The following BTBD9 variants were observed in gnomAD, a reference collection of about 807,000 sequenced individuals.
The protein encoded by BTBD9 is BTB domain containing 9, also known as BTB/POZ domain-containing protein 9.
BTBD9 carries 49 observed loss-of-function variants against 64.3 expected under a neutral mutation model. The ratio of observed to expected loss-of-function variants is 0.76; its 90% CI spans 0.61 to 0.97. The LOEUF (loss-of-function observed/expected upper bound fraction) is 0.97, where lower values mean the gene tolerates loss of function less well. BTBD9 is among the 50% of genes least tolerant of loss of function. The pLI is 0.00. For missense variants in BTBD9, 598 were observed against 762.1 expected (o/e 0.78, Z 2.53); for synonymous variants, 260 against 274.7 (o/e 0.95, Z 0.53).
intron 7 of BTBD9, among the ~76,000 whole-genome samples, chr6:38,318,174 C>G (rs1044406188): frequency 6.6e-6 from 1 of 152,158 alleles, no homozygotes; most frequent in Non-Finnish European, 1.5e-5. Flanking sequence ...GGATTACAGG[C>G]GTGAGCCACT....
intron 1 of BTBD9, among the ~76,000 whole-genome samples, chr6:38,623,272 G>C (rs970913516): frequency 6.6e-6 from 1 of 152,096 alleles, no homozygotes; most frequent in Admixed American, 6.6e-5. Flanking sequence ...CAGGAAATTA[G>C]ACTCTATCAG....
intron 6 of BTBD9, among the ~76,000 whole-genome samples, chr6:38,514,103 C>T (rs1772903568): frequency 6.6e-6 from 1 of 152,226 alleles, no homozygotes; most frequent in African/African-American, 2.4e-5. Flanking sequence ...TCTGACTATT[C>T]AACCAGTCTT....
intron 6 of BTBD9, among the ~76,000 whole-genome samples, chr6:38,439,110 C>CTTTTTTTTTTTTTT (rs35699356): frequency 6.2e-5 from 4 of 64,066 alleles, no homozygotes; most frequent in African/African-American, 2.7e-4. Context: ...TAGCAACTGA[C>CTTTTTTTTTTTTTT]TTTTTTTTTT....
chr6:38,315,477 T>G (rs1422340416), intron 7 of BTBD9, among the ~76,000 whole-genome samples: 1 of 152,142 alleles, frequency 6.6e-6, no homozygotes, highest in Non-Finnish European at 1.5e-5. Context: ...TTGGTTTTTT[T>G]TTTAAATCCC....
chr6:38,175,801 C>T (rs1038295731), intron 10 of BTBD9, among the ~76,000 whole-genome samples: 5 of 152,230 alleles, frequency 3.3e-5, no homozygotes, highest in Non-Finnish European at 5.9e-5. Flanking sequence ...GTTCCTGATG[C>T]ATAGTTCTCC....
intron 1 of BTBD9, among the ~76,000 whole-genome samples, chr6:38,629,404 C>A (rs1448039113): frequency 6.6e-6 from 1 of 152,186 alleles, no homozygotes; most frequent in East Asian, 1.9e-4. Flanking sequence ...AATAATAGAA[C>A]AAATCAACAT....
intron 1 of BTBD9, among the ~76,000 whole-genome samples, chr6:38,626,225 GA>G (rs1778162970): frequency 6.6e-6 from 1 of 152,266 alleles, no homozygotes; most frequent in Admixed American, 6.5e-5. Flanking sequence ...GAGATGTTTT[GA>G]TACCAGCGTG....
rs1171884424 is a variant in BTBD9 at position 38,169,785 on chromosome 6, TATAA to T, written c.*5196_*5199del. The T allele has an allele frequency of 1.5e-5, 2 of 129,332 alleles. No individual in the cohort carries two copies. The highest frequency in any genetic ancestry group is 2.9e-5 in the African/African-American group (1 of 34,812). 8.0% of individuals were successfully genotyped at this position (129,332 alleles called of 1,614,324 possible). On this transcript the variant is annotated 3_prime_UTR_variant, in exon 11 of 11. Coordinates refer to ENST00000481247, the MANE Select transcript of BTBD9 (RefSeq NM_001099272.2). ...CCCCTCCCCCCCGCCCATTCAGGGCTATAAATACTCACGGACGCAAATGGTAAAT... is the reference window on the plus strand; with the variant it reads ...CCCCTCCCCCCCGCCCATTCAGGGCTATACTCACGGACGCAAATGGTAAAT...
intron 6 of BTBD9, among the ~76,000 whole-genome samples, chr6:38,470,241 C>T (rs927915274): frequency 2.0e-5 from 3 of 152,140 alleles, no homozygotes; most frequent in Admixed American, 6.5e-5. Context: ...AAAATAACCA[C>T]GGGAGGACAG....
chr6:38,514,901 A>G (rs1002356862), intron 6 of BTBD9, among the ~76,000 whole-genome samples: 3 of 152,192 alleles, frequency 2.0e-5, no homozygotes, highest in Non-Finnish European at 4.4e-5. Flanking sequence ...ACCTCTGGTT[A>G]CCCTTCAACA....
At chr6:38,362,583 G>T (rs562118716) in intron 6 of BTBD9, among the ~76,000 whole-genome samples, 64 of 152,254 alleles carry the variant, frequency 4.2e-4, no homozygotes, top group African/African-American at 1.5e-3. Flanking sequence ...TTTTCCCAGT[G>T]GTATAGAGTA....
At chr6:38,306,445 T>C (rs1332815328) in intron 7 of BTBD9, among the ~76,000 whole-genome samples, 4 of 152,206 alleles carry the variant, frequency 2.6e-5, no homozygotes, top group African/African-American at 9.6e-5. Context: ...TCTGTGCACA[T>C]AGCAATTCTG....
chr6:38,478,425 G>C (rs1045722817), intron 6 of BTBD9, among the ~76,000 whole-genome samples: 2 of 152,104 alleles, frequency 1.3e-5, no homozygotes, highest in Non-Finnish European at 2.9e-5. Context: ...AGTATGATTT[G>C]ACTATCTCTA....
chr6:38,432,344 G>A (rs532759011), intron 6 of BTBD9, among the ~76,000 whole-genome samples: 39 of 152,086 alleles, frequency 2.6e-4, no homozygotes, highest in African/African-American at 9.4e-4. Context: ...CTCACAGGCT[G>A]ACTGTCCTCA....
At chr6:38,313,226 G>A (rs977259449) in intron 7 of BTBD9, among the ~76,000 whole-genome samples, 1 of 152,078 alleles carries the variant, frequency 6.6e-6, no homozygotes, top group African/African-American at 2.4e-5. Context: ...AAATGCTACT[G>A]GTGATTTTCT....
chr6:38,317,004 T>A (rs559490768), intron 7 of BTBD9, among the ~76,000 whole-genome samples: 4 of 152,282 alleles, frequency 2.6e-5, no homozygotes, highest in Admixed American at 2.6e-4. Context: ...CTTAGTTTTT[T>A]ATTTTTTTTT....
At chr6:38,223,693 A>G (rs993724377) in intron 9 of BTBD9, among the ~76,000 whole-genome samples, 1 of 151,454 alleles carries the variant, frequency 6.6e-6, no homozygotes, top group Non-Finnish European at 1.5e-5. Flanking sequence ...GCACCCATTC[A>G]CGGCTCTGCC....
At chr6:38,283,174 TACTTAGGCCCAA>T (rs1761586816) in intron 8 of BTBD9, among the ~76,000 whole-genome samples, 1 of 152,220 alleles carries the variant, frequency 6.6e-6, no homozygotes, top group Non-Finnish European at 1.5e-5. Context: ...TGACCATGCT[TACTTAGGCCCAA>T]ACATTTTTCA....
intron 8 of BTBD9, among the ~76,000 whole-genome samples, chr6:38,268,769 T>TA (rs899182714): frequency 3.9e-5 from 6 of 152,252 alleles, no homozygotes; most frequent in Non-Finnish European, 7.3e-5. Context: ...GAAATGATTT[T>TA]AAAACACTTG....
Sources: gnomAD v4.1 joint callset for allele counts (sites outside exome capture counted in the v4.1 genomes callset) on GRCh38, gnomAD v4.1.1 for gene constraint, MANE v1.5 for transcripts, NCBI Gene and HGNC (gene_info 2026-07-23, HGNC 2026-07-21) for gene names.